The following DNM2 variants were observed in gnomAD, a reference collection of about 807,000 sequenced individuals.
DNM2 encodes the protein dynamin-2.
DNM2 carries 15 observed loss-of-function variants against 99.0 expected under a neutral mutation model. That is an observed-to-expected ratio of 0.15 (90% CI 0.10 to 0.23). DNM2 has a LOEUF of 0.23. Among genes scored for constraint, DNM2 ranks in the 10% least tolerant of loss-of-function variants. The pLI is 1.00. For missense variants in DNM2, 742 were observed against 1,189.4 expected, an observed-to-expected ratio of 0.62 and a Z score of 5.53; for synonymous variants, 525 against 481.2, an observed-to-expected ratio of 1.09 and a Z score of -1.19.
chr19:10,755,348 A>G (rs2070344608), intron 1 of DNM2: 1 of 152,122 alleles, frequency 6.6e-6, no homozygotes, highest in South Asian at 2.1e-4. Flanking sequence ...ACACTTCAAA[A>G]ATAGTCATTG....
At chr19:10,826,573 G>A (rs1415419001) in intron 18 of DNM2, among the ~76,000 whole-genome samples, 1 of 152,184 alleles carries the variant, frequency 6.6e-6, no homozygotes, top group Non-Finnish European at 1.5e-5. Flanking sequence ...CATGGCACTA[G>A]CCACTCAGGA....
rs1031627922 is a variant in DNM2, at chr19:10,817,970, G to A, written c.1672-2010G>A. Reference sequence around the variant, plus strand: ...CTGCTGGCTGGAAGCTTCCGGCCGCGTGATATGATAGGGTCAGGGCAGCAA... The same window carrying A: ...CTGCTGGCTGGAAGCTTCCGGCCGCATGATATGATAGGGTCAGGGCAGCAA... On this transcript the variant is annotated intron_variant, in intron 15 of 20. Coordinates refer to ENST00000389253, the MANE Select transcript of DNM2 (RefSeq NM_001005361.3). The surrounding 1 kb of genome is among the most constrained non-coding windows in gnomAD (Gnocchi z 4.6). 6.6e-6 allele frequency among the ~76,000 whole-genome samples: 1 copy of A among 152,126 alleles called. No homozygotes were observed. The highest frequency in any genetic ancestry group is 2.4e-5 in the African/African-American group (1 of 41,434).
At chr19:10,799,874 G>C (rs2072075357) in intron 11 of DNM2, among the ~76,000 whole-genome samples, 1 of 151,172 alleles carries the variant, frequency 6.6e-6, no homozygotes, top group African/African-American at 2.4e-5. Context: ...TCTTGCAAAG[G>C]CATGCAAGCA....
intron 11 of DNM2, among the ~76,000 whole-genome samples, chr19:10,800,923 A>T (rs1279722924): frequency 1.3e-5 from 2 of 152,196 alleles, no homozygotes; most frequent in Non-Finnish European, 2.9e-5. Context: ...GCGCGCGTGC[A>T]CGTGCACGTG....
At chr19:10,750,089 T>A (rs1329448764) in intron 1 of DNM2, among the ~76,000 whole-genome samples, 1 of 152,100 alleles carries the variant, frequency 6.6e-6, no homozygotes, top group Non-Finnish European at 1.5e-5. Context: ...GGCAGGATCT[T>A]CATTTTAGAA....
At position 10,823,776 on chromosome 19, in the gene DNM2, AC is replaced by A. The variant is rs760441017; in HGVS notation, c.1782-5del. ...GTCAAGCTTGTGCCCCTCCTTCCCC[AC>A]CCCCCCGCAGAAACGTCTACAAGGA... On this transcript the variant is annotated splice_polypyrimidine_tract_variant and intron_variant, in intron 16 of 20. Coordinates refer to ENST00000389253, the MANE Select transcript of DNM2 (RefSeq NM_001005361.3). The A allele has an allele frequency of 1.4e-4, 201 of 1,437,364 alleles. No homozygotes were observed. Among genetic ancestry groups the A allele is most frequent in the Non-Finnish European group, 1.8e-4 (191 of 1,045,610 alleles). 89.0% of individuals were successfully genotyped at this position (1,437,364 alleles called of 1,614,324 possible).
At chr19:10,740,724 C>T (rs1414023396) in intron 1 of DNM2, among the ~76,000 whole-genome samples, 2 of 152,150 alleles carry the variant, frequency 1.3e-5, no homozygotes, top group Non-Finnish European at 2.9e-5. Flanking sequence ...TATGAATTTC[C>T]CTGTAAACCT....
chr19:10,806,669 T>C (rs1177626272), intron 13 of DNM2, among the ~76,000 whole-genome samples: 1 of 152,162 alleles, frequency 6.6e-6, no homozygotes, highest in Non-Finnish European at 1.5e-5. Context: ...GGCACGCGCC[T>C]GTAATCCCAG....
chr19:10,718,533 G>T lies in DNM2; in HGVS notation c.161+130G>T, dbSNP rs911344850. On this transcript the variant is annotated intron_variant, in intron 1 of 20. Transcript: ENST00000389253. Reference sequence around the variant, plus strand: ...TGCCCGCGGCGGGGAACCGGACGGGGTCGGGGAGGCGGGCCCTGTGGGACG... The same window carrying T: ...TGCCCGCGGCGGGGAACCGGACGGGTTCGGGGAGGCGGGCCCTGTGGGACG... 42 of 1,219,214 alleles carry T rather than the reference G, an allele frequency of 3.4e-5. No homozygotes were observed. The Admixed American group carries it at 1.5e-3, about 44-fold the overall frequency. 75.5% of individuals were successfully genotyped at this position (1,219,214 alleles called of 1,614,324 possible).
chr19:10,777,094 C>A lies in DNM2; in HGVS notation c.590-24C>A, dbSNP rs778233922. The A allele has an allele frequency of 1.1e-5, 17 of 1,613,308 alleles. No homozygotes were observed. The African/African-American group carries it at 2.1e-4, about 20-fold the overall frequency. On this transcript the variant is annotated intron_variant, in intron 4 of 20. Coordinates refer to ENST00000389253, the MANE Select transcript of DNM2 (RefSeq NM_001005361.3). ...GCTCTTTCCTGGTGGCAGCCTCTGA[C>A]CTCTGACCTCTGGGCTCTTTCAGGC...
chr19:10,757,369 C>T (rs2070428813), intron 1 of DNM2, among the ~76,000 whole-genome samples: 1 of 152,278 alleles, frequency 6.6e-6, no homozygotes, highest in African/African-American at 2.4e-5. Context: ...AGCACATCTC[C>T]CCCCCGACGC....
At chr19:10,739,337 A>G (rs1216499108) in intron 1 of DNM2, among the ~76,000 whole-genome samples, 4 of 152,224 alleles carry the variant, frequency 2.6e-5, no homozygotes, top group Non-Finnish European at 5.9e-5. Flanking sequence ...GGATTTTAGT[A>G]TATTCACAGT....
At chr19:10,793,633 C>A (rs963009600) in intron 7 of DNM2, 87 bp from the exon 8 acceptor site, 3 of 1,611,380 alleles carry the variant, frequency 1.9e-6, no homozygotes, top group Non-Finnish European at 2.5e-6. Flanking sequence ...GGTAAAAGAA[C>A]AGTAAACCCT....
chr19:10,790,008 A>G (rs2071696610), intron 7 of DNM2, among the ~76,000 whole-genome samples: 1 of 152,102 alleles, frequency 6.6e-6, no homozygotes, highest in Non-Finnish European at 1.5e-5. Context: ...AGGCACTCTC[A>G]CCATGGAGAA....
At position 10,786,452 on chromosome 19, in the gene DNM2, GTGGCCGCATAGTGGCACCCTGGTGT is replaced by G. The variant is rs2071561675; in HGVS notation, c.850-106_850-82del. On this transcript the variant is annotated intron_variant, in intron 6 of 20. Coordinates refer to ENST00000389253, the MANE Select transcript of DNM2 (RefSeq NM_001005361.3). ...CTGTCTCTCAAGGCTGTGTGGTGTG[GTGGCCGCATAGTGGCACCCTGGTGT>G]TGGCCCTTGGTTGGGGGGAGTGTGT... The G allele has an allele frequency of 4.6e-6, 7 of 1,524,182 alleles. No individual in the cohort carries two copies. In the Admixed American group the frequency reaches 6.7e-5, roughly 15 times the overall value. The allele number at this position is 1,524,182 out of a possible 1,614,324, so 94.4% of individuals were successfully genotyped here. A position where few individuals can be genotyped will look rare whatever the true frequency, so the allele number is the denominator to read the frequency against.
At chr19:10,736,345 C>G (rs1445968152) in intron 1 of DNM2, among the ~76,000 whole-genome samples, 2 of 152,066 alleles carry the variant, frequency 1.3e-5, no homozygotes, top group East Asian at 3.8e-4. Flanking sequence ...AACTACTGGG[C>G]TGGTGATGCT....
intron 14 of DNM2, 164 bp downstream of exon 14, chr19:10,808,744 G>A (rs1020618401): frequency 1.3e-5 from 10 of 751,862 alleles, no homozygotes; most frequent in Middle Eastern, 2.8e-4. Flanking sequence ...TGGACTGCAC[G>A]TTGCCCTGGG....
intron 11 of DNM2, among the ~76,000 whole-genome samples, chr19:10,801,397 A>C (rs377604480): frequency 6.6e-5 from 10 of 152,028 alleles, no homozygotes; most frequent in African/African-American, 1.9e-4. Flanking sequence ...AGGTAGGAGG[A>C]TCACTTGAGC....
In DNM2 at chr19:10,786,659, G is replaced by T. The variant is rs267605278; in HGVS notation, c.945G>T (p.Lys315Asn). 3.1e-6 allele frequency: 5 copies of T among 1,614,170 alleles called. No individual in the cohort carries two copies. The highest frequency in any genetic ancestry group is 1.7e-5 in the Admixed American group (1 of 60,020). Residue 315 changes from lysine (K) to asparagine (N), a missense_variant, in exon 7 of 21, where the codon AAG becomes AAT. Transcript: ENST00000389253. ...LSLEKEVEEY[K>N]NFRPDDPTRK... is the part of the protein sequence containing the mutation. The stretch of plus-strand genomic sequence containing the variant: ...TGGAGAAGGAGGTGGAGGAGTACAA[G>T]AACTTTCGGCCCGACGACCCCACCC...
Sources: gnomAD v4.1 joint callset for allele counts (sites outside exome capture counted in the v4.1 genomes callset) on GRCh38, gnomAD v4.1.1 for gene constraint, Gnocchi (gnomAD v3.1) non-coding constraint, MANE v1.5 for transcripts, NCBI Gene and HGNC (gene_info 2026-07-23, HGNC 2026-07-21) for gene names.